The following KCNMA1 variants were observed in gnomAD, a reference collection of about 807,000 sequenced individuals.
The protein encoded by KCNMA1 is potassium calcium-activated channel subfamily M alpha 1, also known as Calcium-activated potassium channel subunit alpha-1.
KCNMA1 carries 29 observed loss-of-function variants against 140.0 expected under a neutral mutation model. The ratio of observed to expected loss-of-function variants is 0.21; its 90% CI spans 0.15 to 0.28. The LOEUF is 0.28. Among genes scored for constraint, KCNMA1 ranks in the 10% least tolerant of loss-of-function variants. The pLI, the probability that KCNMA1 is intolerant of heterozygous loss-of-function variation, is 1.00. For missense variants in KCNMA1, 880 were observed against 1,602.2 expected, an observed-to-expected ratio of 0.55 and a Z score of 7.70; for synonymous variants, 612 against 611.9, an observed-to-expected ratio of 1.00 and a Z score of 0.00.
chr10:77,587,627 G>A, intron 1 of KCNMA1: 2 of 828,194 alleles, frequency 2.4e-6, no homozygotes, highest in Middle Eastern at 1.2e-3. Context: ...CTGGGCTGCG[G>A]GCCCCTGAGT....
chr10:77,087,871 T>C (rs1266539482), intron 10 of KCNMA1, among the ~76,000 whole-genome samples: 1 of 152,106 alleles, frequency 6.6e-6, no homozygotes, highest in Non-Finnish European at 1.5e-5. Flanking sequence ...ATAATAATAG[T>C]TCATGTTTTG....
intron 5 of KCNMA1, among the ~76,000 whole-genome samples, chr10:77,164,601 C>G (rs1375241809): frequency 6.6e-6 from 1 of 152,038 alleles, no homozygotes; most frequent in African/African-American, 2.4e-5. Flanking sequence ...AGCTCTTCCT[C>G]CTCTAGAAGC....
intron 3 of KCNMA1, among the ~76,000 whole-genome samples, chr10:77,193,027 T>TTA (rs1226573120): frequency 6.6e-6 from 1 of 151,350 alleles, no homozygotes; most frequent in Non-Finnish European, 1.5e-5. Context: ...CCACAGGAGT[T>TTA]TGTTATTCTC....
intron 16 of KCNMA1, among the ~76,000 whole-genome samples, chr10:77,024,284 T>C (rs2093179720): frequency 6.6e-6 from 1 of 152,110 alleles, no homozygotes; most frequent in Non-Finnish European, 1.5e-5. Context: ...AGTTGGATCA[T>C]ATCAATAATA....
At chr10:77,584,336 C>T (rs1255997080) in intron 1 of KCNMA1, among the ~76,000 whole-genome samples, 2 of 152,188 alleles carry the variant, frequency 1.3e-5, no homozygotes, top group African/African-American at 2.4e-5. Context: ...GAATGTGGTA[C>T]ATTTAAGTTG....
At chr10:77,505,781 T>A (rs1212021099) in intron 1 of KCNMA1, among the ~76,000 whole-genome samples, 1 of 152,168 alleles carries the variant, frequency 6.6e-6, no homozygotes, top group African/African-American at 2.4e-5. Flanking sequence ...TGAGGAGCCA[T>A]GAAAGAGTAT....
chr10:77,342,130 T>A (rs969199828), intron 2 of KCNMA1, among the ~76,000 whole-genome samples: 2 of 152,154 alleles, frequency 1.3e-5, no homozygotes, highest in South Asian at 4.1e-4. Flanking sequence ...ATTTTACAAA[T>A]GTCATGGCAC....
In KCNMA1 at chr10:76,886,973, G is replaced by A; in HGVS notation, c.*293C>T. The A allele has an allele frequency of 8.0e-7, 1 of 1,248,336 alleles. No homozygotes were observed. Among genetic ancestry groups the A allele is most frequent in the Non-Finnish European group, 1.0e-6 (1 of 982,108 alleles). The allele number at this position is 1,248,336 out of a possible 1,614,324, so 77.3% of individuals were successfully genotyped here. A position where few individuals can be genotyped will look rare whatever the true frequency, so the allele number is the denominator to read the frequency against. On this transcript the variant is annotated 3_prime_UTR_variant, in exon 28 of 28. Transcript: ENST00000286628. ...GATCACAAGTGCTCCCTTCTAATCT[G>A]TGAACTCGTTCCTGCAGTGAGCTAT... is the stretch of plus-strand genomic sequence containing the variant.
At chr10:77,010,453 T>A (rs892026767) in intron 18 of KCNMA1, among the ~76,000 whole-genome samples, 1 of 151,972 alleles carries the variant, frequency 6.6e-6, no homozygotes, top group Admixed American at 6.6e-5. Flanking sequence ...GTTGTCAGAA[T>A]CGGGGAATTC....
intron 1 of KCNMA1, among the ~76,000 whole-genome samples, chr10:77,559,685 G>A (rs952269917): frequency 6.6e-6 from 1 of 151,956 alleles, no homozygotes; most frequent in African/African-American, 2.4e-5. Flanking sequence ...GTCTATGTGT[G>A]TTTTTGAGAG....
intron 1 of KCNMA1, among the ~76,000 whole-genome samples, chr10:77,630,758 A>C (rs560479174): frequency 1.3e-5 from 2 of 151,804 alleles, no homozygotes; most frequent in African/African-American, 4.8e-5. Flanking sequence ...CCCACACTGG[A>C]TCTTCTGAAT....
intron 5 of KCNMA1, among the ~76,000 whole-genome samples, chr10:77,175,959 GA>G (rs1274063821): frequency 6.6e-6 from 1 of 152,210 alleles, no homozygotes; most frequent in Non-Finnish European, 1.5e-5. Flanking sequence ...TCAGGAAACT[GA>G]AACCAGGCCA....
At chr10:76,916,065 C>T (rs190993738) in intron 23 of KCNMA1, among the ~76,000 whole-genome samples, 1 of 152,010 alleles carries the variant, frequency 6.6e-6, no homozygotes, top group African/African-American at 2.4e-5. Flanking sequence ...TGTATTTATA[C>T]ATATACATAC....
At position 76,984,842 on chromosome 10, in the gene KCNMA1, C is replaced by T. The variant is rs1291016866; in HGVS notation, c.2267-14775G>A. Among the ~76,000 whole-genome samples, 3 of 152,140 alleles carry T rather than the reference C, an allele frequency of 2.0e-5. No individual in the cohort carries two copies. The East Asian group carries it at 5.8e-4, about 29-fold the overall frequency. ...AACCTTAGCAATTGAGGGGCATTGTCGTACTGGAAGTATATCTCTTCAAAC... is the reference window on the plus strand; with the variant it reads ...AACCTTAGCAATTGAGGGGCATTGTTGTACTGGAAGTATATCTCTTCAAAC... On this transcript the variant is annotated intron_variant, in intron 19 of 27. Coordinates refer to ENST00000286628, the MANE Select transcript of KCNMA1 (RefSeq NM_001161352.2).
At chr10:77,102,082 T>C (rs939171071) in intron 9 of KCNMA1, among the ~76,000 whole-genome samples, 1 of 152,154 alleles carries the variant, frequency 6.6e-6, no homozygotes, top group African/African-American at 2.4e-5. Context: ...TTTTTATGGA[T>C]GTGTAGAAAT....
chr10:77,064,236 C>G, intron 14 of KCNMA1: 1 of 372,584 alleles, frequency 2.7e-6, no homozygotes, highest in Non-Finnish European at 3.7e-6. Context: ...ACAGTTTACA[C>G]AAATCATTTT....
chr10:77,125,666 C>T (rs1260179269), intron 5 of KCNMA1, among the ~76,000 whole-genome samples: 2 of 152,198 alleles, frequency 1.3e-5, no homozygotes, highest in Non-Finnish European at 1.5e-5. Flanking sequence ...TACTTTCTGC[C>T]TTCCTCTCTT....
At chr10:77,042,940 C>T (rs1312103995) in intron 14 of KCNMA1, among the ~76,000 whole-genome samples, 2 of 152,100 alleles carry the variant, frequency 1.3e-5, no homozygotes, top group African/African-American at 4.8e-5. Context: ...ATTTACTTCC[C>T]CATATTTTTC....
intron 1 of KCNMA1, among the ~76,000 whole-genome samples, chr10:77,547,161 AGT>A (rs2061622181): frequency 6.6e-6 from 1 of 152,180 alleles, no homozygotes; most frequent in Admixed American, 6.5e-5. Flanking sequence ...GTTTACTAGG[AGT>A]GTTCAAATTT....
Sources: gnomAD v4.1 joint callset for allele counts (sites outside exome capture counted in the v4.1 genomes callset) on GRCh38, gnomAD v4.1.1 for gene constraint, MANE v1.5 for transcripts, NCBI Gene and HGNC (gene_info 2026-07-23, HGNC 2026-07-21) for gene names.